The following PECAM1 variants were observed in gnomAD, a reference collection of about 807,000 sequenced individuals.
PECAM1 encodes platelet and endothelial cell adhesion molecule 1, also known as platelet endothelial cell adhesion molecule.
PECAM1 carries 8 observed loss-of-function variants against 13.8 expected under a neutral mutation model. The ratio of observed to expected loss-of-function variants is 0.58; its 90% CI spans 0.34 to 1.05. The LOEUF (loss-of-function observed/expected upper bound fraction) is 1.05. Among genes scored for constraint, PECAM1 ranks in the 50% least tolerant of loss-of-function variants. The pLI, the probability that PECAM1 is intolerant of heterozygous loss-of-function variation, is 0.03. For synonymous variants in PECAM1, 136 were observed against 52.6 expected (o/e 2.58, Z -6.86); for missense variants, 304 against 141.2 (o/e 2.15, Z -5.84).
At chr17:64,385,256 T>C (rs944941095) in intron 2 of PECAM1, among the ~76,000 whole-genome samples, 17 of 152,222 alleles carry the variant, frequency 1.1e-4, no homozygotes, top group Non-Finnish European at 1.6e-4. Flanking sequence ...GAACAGCCAG[T>C]GACCACAGTG....
In PECAM1 at chr17:64,323,840, C is replaced by T. The variant is rs781899608; in HGVS notation, c.2193G>A (p.Thr731=). The part of the protein sequence containing the change: ...PDAVESRYSR[T]EGSLDGT ...TCTAAGTTCCATCAAGGGAGCCTTCCGTTCTCTGTAGCGACAAGAAACAAG... is the reference window on the plus strand; with the variant it reads ...TCTAAGTTCCATCAAGGGAGCCTTCTGTTCTCTGTAGCGACAAGAAACAAG... The change falls in exon 16 of 16, where the codon ACG becomes ACA. Residue 731 remains threonine (T), a synonymous_variant. Transcript: ENST00000563924. 2.3e-5 allele frequency: 19 copies of T among 815,612 alleles called. No individual in the cohort carries two copies. In the Middle Eastern group the frequency reaches 6.6e-4, roughly 28 times the overall value. The allele number at this position is 815,612 out of a possible 1,614,324, so 50.5% of individuals were successfully genotyped here.
intron 4 of PECAM1, among the ~76,000 whole-genome samples, chr17:64,371,240 A>G (rs950563415): frequency 6.6e-6 from 1 of 152,346 alleles, no homozygotes; most frequent in African/African-American, 2.4e-5. Flanking sequence ...CTGAGGCGCC[A>G]TAAAGAAACA....
At chr17:64,338,903 A>G (rs2035353940) in intron 14 of PECAM1, among the ~76,000 whole-genome samples, 1 of 152,066 alleles carries the variant, frequency 6.6e-6, no homozygotes, top group African/African-American at 2.4e-5. Context: ...CCTTTGAGTT[A>G]CTCATCATTG....
intron 4 of PECAM1, among the ~76,000 whole-genome samples, chr17:64,374,604 C>T (rs1478496338): frequency 6.6e-6 from 1 of 151,918 alleles, no homozygotes; most frequent in African/African-American, 2.4e-5. Flanking sequence ...GCCAACATGA[C>T]GAAACCCCAT....
chr17:64,360,568 A>G (rs2035948841), intron 6 of PECAM1, among the ~76,000 whole-genome samples, 153 bp from the exon 7 acceptor site: 1 of 144,964 alleles, frequency 6.9e-6, no homozygotes, highest in African/African-American at 2.5e-5. Flanking sequence ...TAGGACACCT[A>G]TGAGACTGAC....
chr17:64,321,733 C>T lies in PECAM1; in HGVS notation c.*2083G>A. 1 of 1,169,920 alleles carries T rather than the reference C, an allele frequency of 8.5e-7. No homozygotes were observed. The highest frequency in any genetic ancestry group is 1.5e-5 in the South Asian group (1 of 68,780). 72.5% of individuals were successfully genotyped at this position (1,169,920 alleles called of 1,614,324 possible). On this transcript the variant is annotated 3_prime_UTR_variant, in exon 16 of 16. Coordinates refer to ENST00000563924, the MANE Select transcript of PECAM1 (RefSeq NM_000442.5). Reference sequence around the variant, plus strand: ...CCATTGTTGTGCCACTGCACTCCAGCCTGGGCAACAGAGCAAGCCCCTGTC... The same window carrying T: ...CCATTGTTGTGCCACTGCACTCCAGTCTGGGCAACAGAGCAAGCCCCTGTC...
At chr17:64,337,716 G>A (rs1401531332) in intron 14 of PECAM1, among the ~76,000 whole-genome samples, 1 of 152,070 alleles carries the variant, frequency 6.6e-6, no homozygotes, top group Non-Finnish European at 1.5e-5. Flanking sequence ...CCCGGACTGA[G>A]TAATCTAGAA....
chr17:64,340,607 A>G (rs2035401427), intron 14 of PECAM1, among the ~76,000 whole-genome samples: 1 of 150,062 alleles, frequency 6.7e-6, no homozygotes, highest in South Asian at 2.1e-4. Flanking sequence ...CAGTTATTAT[A>G]CCCCCCCACC....
chr17:64,334,613 A>G (rs903398471), intron 14 of PECAM1, among the ~76,000 whole-genome samples: 59 of 151,844 alleles, frequency 3.9e-4, no homozygotes, highest in Non-Finnish European at 1.5e-5. Flanking sequence ...GGTTCACACC[A>G]TTCTCCTGCC....
In PECAM1 at chr17:64,321,380, C is replaced by T; in HGVS notation, c.*2436G>A. 2.1e-6 allele frequency: 2 copies of T among 961,476 alleles called. No individual in the cohort carries two copies. The highest frequency in any genetic ancestry group is 9.5e-5 in the South Asian group (2 of 21,020). The allele number at this position is 961,476 out of a possible 1,614,324, so 59.6% of individuals were successfully genotyped here. A position where few individuals can be genotyped will look rare whatever the true frequency, so the allele number is the denominator to read the frequency against. On this transcript the variant is annotated 3_prime_UTR_variant, in exon 16 of 16. Transcript: ENST00000563924. The stretch of plus-strand genomic sequence containing the variant: ...CCTGGATTCAGACAGACCTTTTAGC[C>T]ATTAAATCCACTAAGAAAGATCCCT...
At position 64,342,474 on chromosome 17, in the gene PECAM1, G is replaced by C. The variant is rs965404965; in HGVS notation, c.2108-784C>G. 7.3e-4 allele frequency among the ~76,000 whole-genome samples: 111 copies of C among 152,332 alleles called. 1 individual carries two copies. Among genetic ancestry groups the C allele is most frequent in the Middle Eastern group, 3.4e-3 (1 of 294 alleles). On this transcript the variant is annotated intron_variant, in intron 13 of 15. Coordinates refer to ENST00000563924, the MANE Select transcript of PECAM1 (RefSeq NM_000442.5). ...GATCCTGAGGTCTGGGTTAGAGCCT[G>C]GGGGTTGTCAGTGACCCTAGGAATA...
At chr17:64,350,525 C>A in intron 11 of PECAM1, 92 bp from the exon 12 acceptor site, 1 of 410,024 alleles carries the variant, frequency 2.4e-6, no homozygotes, top group Non-Finnish European at 4.5e-6. Context: ...CAAAGTCAAG[C>A]CTGATTTATT....
At position 64,333,787 on chromosome 17, in the gene PECAM1, A is replaced by G. The variant is rs200992328; in HGVS notation, c.2165-4065T>C. Among the ~76,000 whole-genome samples the G allele has an allele frequency of 9.2e-5, 14 of 151,688 alleles. No individual in the cohort carries two copies. In the East Asian group the frequency reaches 2.7e-3, roughly 29 times the overall value. Reference sequence around the variant, plus strand: ...AGCCTGGCCAATGTGACGAAACCCCATCTCTACTAAAATATAAAAATATTT... The same window carrying G: ...AGCCTGGCCAATGTGACGAAACCCCGTCTCTACTAAAATATAAAAATATTT... On this transcript the variant is annotated intron_variant, in intron 14 of 15. Transcript: ENST00000563924.
At chr17:64,375,765 C>T (rs1198941069) in intron 3 of PECAM1, among the ~76,000 whole-genome samples, 3 of 151,334 alleles carry the variant, frequency 2.0e-5, no homozygotes, top group African/African-American at 4.9e-5. Flanking sequence ...GAGGTTGAGG[C>T]GGCAGTGAGC....
chr17:64,332,333 AC>A (rs10716647), intron 14 of PECAM1, among the ~76,000 whole-genome samples: 9,503 of 149,276 alleles, frequency 0.064, 1,026 homozygotes, highest in African/African-American at 0.22. Flanking sequence ...TGATTCCTGG[AC>A]CCTCCTAGTC....
chr17:64,347,040 A>C (rs1434154424), intron 13 of PECAM1, among the ~76,000 whole-genome samples: 7 of 152,184 alleles, frequency 4.6e-5, no homozygotes, highest in Non-Finnish European at 8.8e-5. Context: ...AGTGCTCAAT[A>C]AATCTTACCT....
chr17:64,376,476 G>A, intron 3 of PECAM1, among the ~76,000 whole-genome samples: 1 of 152,320 alleles, frequency 6.6e-6, no homozygotes, highest in Admixed American at 6.5e-5. Context: ...CAGTGTCACT[G>A]TGATTGTTGT....
chr17:64,360,814 ATGTG>A (rs144008571), intron 6 of PECAM1, among the ~76,000 whole-genome samples: 55,939 of 141,152 alleles, frequency 0.4, 11,249 homozygotes, highest in Middle Eastern at 0.56. Flanking sequence ...AGCCAACAAA[ATGTG>A]TGTGTGTGTG....
chr17:64,346,502 A>G (rs1230953921), intron 13 of PECAM1, among the ~76,000 whole-genome samples: 2 of 151,974 alleles, frequency 1.3e-5, no homozygotes, highest in Non-Finnish European at 2.9e-5. Context: ...CGCCCAGCTA[A>G]TTTTTGTATT....
Sources: allele counts gnomAD v4.1 joint callset (sites outside exome capture counted in the v4.1 genomes callset), GRCh38; gene constraint gnomAD v4.1.1; transcripts MANE v1.5; gene names NCBI Gene and HGNC (gene_info 2026-07-23, HGNC 2026-07-21).